SORBS2: variants seen among roughly 807,000 people sequenced by gnomAD.
SORBS2 encodes sorbin and SH3 domain-containing protein 2.
Under a neutral mutation model 97.7 loss-of-function variants are expected in SORBS2, and 46 were observed. The observed-to-expected ratio is 0.47, with a 90% CI of 0.37 to 0.60. The LOEUF is 0.60. SORBS2 is among the 20% of genes least tolerant of loss of function. The probability of loss-of-function intolerance (pLI) is 0.00; values close to 1 mark genes in which losing one functional copy is unlikely to be tolerated. For synonymous variants in SORBS2, 476 were observed against 473.4 expected (o/e 1.01, Z -0.07); for missense variants, 1,316 against 1,282.3 (o/e 1.03, Z -0.40).
At chr4:185,915,776 G>A (rs558615260) in intron 1 of SORBS2, among the ~76,000 whole-genome samples, 1 of 151,990 alleles carries the variant, frequency 6.6e-6, no homozygotes, top group Non-Finnish European at 1.5e-5. Context: ...TGATTGCAAA[G>A]CAAGATAAGT....
intron 13 of SORBS2, 117 bp from the exon 26 acceptor site, chr4:185,589,902 G>A (rs916852046): frequency 1.0e-5 from 7 of 690,352 alleles, no homozygotes; most frequent in African/African-American, 8.8e-5. Flanking sequence ...ATTCTGTTGG[G>A]TGGTACAAGC....
chr4:185,827,831 TCATCATCATCGTCAC>T (rs1427844186), intron 1 of SORBS2, among the ~76,000 whole-genome samples: 4 of 144,584 alleles, frequency 2.8e-5, no homozygotes, highest in Admixed American at 1.4e-4. Context: ...GTCACCATCA[TCATCATCATCGTCAC>T]CATCATCAGC....
At chr4:185,798,572 T>C (rs958006901) in intron 1 of SORBS2, among the ~76,000 whole-genome samples, 1 of 152,214 alleles carries the variant, frequency 6.6e-6, no homozygotes, top group Non-Finnish European at 1.5e-5. Context: ...AAGCCTCGTT[T>C]TTAAAAAAAG....
intron 1 of SORBS2, among the ~76,000 whole-genome samples, chr4:185,927,490 G>A (rs1469169967): frequency 1.4e-5 from 2 of 147,450 alleles, no homozygotes; most frequent in Non-Finnish European, 3.0e-5. Flanking sequence ...CCGTGTCCAT[G>A]TATGCTCATT....
intron 13 of SORBS2, among the ~76,000 whole-genome samples, chr4:185,591,234 T>C (rs1017189920): frequency 1.3e-5 from 2 of 152,200 alleles, no homozygotes; most frequent in African/African-American, 4.8e-5. Context: ...TTGTTTTCCC[T>C]GGCCTGGCAC....
chr4:185,655,478 T>C (rs1346150562), intron 1 of SORBS2, among the ~76,000 whole-genome samples: 1 of 152,196 alleles, frequency 6.6e-6, no homozygotes, highest in Admixed American at 6.5e-5. Flanking sequence ...GGCTGTATAG[T>C]CAGTGTAAGA....
rs1036560958 is a variant in SORBS2 at position 185,623,222 on chromosome 4, T to C, written c.1907A>G (p.Asp636Gly). The change falls in exon 7 of 15, where the codon GAC becomes GGC. Residue 636 changes from aspartate to glycine, a missense_variant. Physicochemically the swap from Asp to Gly is moderately conservative, Grantham distance 94. Transcript: ENST00000418609. The surrounding 1 kb of genome is among the most constrained non-coding windows in gnomAD (Gnocchi z 6.4). ...GTCACAGATGTCTTTAAGGGCAGAG[T>C]CCAGAGCCTCAAACACAGATGCTTT... 6 of 1,614,014 alleles carry C rather than the reference T, an allele frequency of 3.7e-6. No individual in the cohort carries two copies. The highest frequency in any genetic ancestry group is 4.2e-6 in the Non-Finnish European group (5 of 1,180,008).
intron 2 of SORBS2, among the ~76,000 whole-genome samples, chr4:185,745,798 C>T (rs1274615817): frequency 3.3e-5 from 5 of 152,136 alleles, no homozygotes; most frequent in South Asian, 2.1e-4. Context: ...CCTCGGGCTA[C>T]GTGGGGAGGA....
chr4:185,926,102 G>C (rs544079573), intron 1 of SORBS2, among the ~76,000 whole-genome samples: 26 of 152,354 alleles, frequency 1.7e-4, no homozygotes, highest in African/African-American at 6.0e-4. Flanking sequence ...GGAGAGCAAG[G>C]ACTGCGCTAT....
At chr4:185,673,550 T>C (rs1267599278) in intron 4 of SORBS2, among the ~76,000 whole-genome samples, 2 of 152,232 alleles carry the variant, frequency 1.3e-5, no homozygotes, top group Non-Finnish European at 2.9e-5. Context: ...TGATGACAGC[T>C]ACTGTATGTT....
chr4:185,612,355 G>C (rs1468575745), intron 11 of SORBS2, among the ~76,000 whole-genome samples: 2 of 152,194 alleles, frequency 1.3e-5, no homozygotes, highest in Non-Finnish European at 2.9e-5. Flanking sequence ...GGCAGGTTCA[G>C]TGCATTGGCC....
At chr4:185,690,340 A>G (rs1414718321) in intron 2 of SORBS2, among the ~76,000 whole-genome samples, 1 of 152,204 alleles carries the variant, frequency 6.6e-6, no homozygotes, top group East Asian at 1.9e-4. Flanking sequence ...TGATTAGAGA[A>G]AAAGGGAGTA....
intron 2 of SORBS2, among the ~76,000 whole-genome samples, chr4:185,769,938 T>G (rs2098959947): frequency 6.6e-6 from 1 of 150,510 alleles, no homozygotes; most frequent in African/African-American, 2.5e-5. Flanking sequence ...AGGCTTTCAG[T>G]TGCCACCTAT....
chr4:185,952,252 T>C (rs1311728304), intron 1 of SORBS2, among the ~76,000 whole-genome samples: 1 of 152,186 alleles, frequency 6.6e-6, no homozygotes, highest in Non-Finnish European at 1.5e-5. Flanking sequence ...GGTCTCGAAC[T>C]CCTGACCTCA....
At chr4:185,705,979 A>G (rs773232838) in intron 2 of SORBS2, among the ~76,000 whole-genome samples, 49 of 152,234 alleles carry the variant, frequency 3.2e-4, no homozygotes, top group Non-Finnish European at 5.4e-4. Context: ...TAACAAATCC[A>G]CACTCATTCC....
chr4:185,945,659 A>G (rs536685480), intron 1 of SORBS2, among the ~76,000 whole-genome samples: 21 of 152,326 alleles, frequency 1.4e-4, no homozygotes, highest in African/African-American at 5.1e-4. Flanking sequence ...CTCAACAAAC[A>G]TTTCTCGAGA....
intron 1 of SORBS2, among the ~76,000 whole-genome samples, chr4:185,886,554 CAAAAAAAAA>C (rs1198439527): frequency 1.4e-5 from 1 of 72,950 alleles, no homozygotes; most frequent in African/African-American, 6.1e-5. Flanking sequence ...GACTCTGTCT[CAAAAAAAAA>C]AAAAAAAAAA....
chr4:185,771,343 T>C (rs2098970168), intron 2 of SORBS2: 1 of 152,222 alleles, frequency 6.6e-6, no homozygotes, highest in Admixed American at 6.5e-5. Flanking sequence ...TTAAAACTAC[T>C]GAACTCCTTA....
At chr4:185,876,873 A>G (rs898974732) in intron 1 of SORBS2, among the ~76,000 whole-genome samples, 2 of 152,276 alleles carry the variant, frequency 1.3e-5, no homozygotes, top group East Asian at 1.9e-4. Flanking sequence ...TGTGAAGTAT[A>G]TGATAAAACT....
Sources: allele counts gnomAD v4.1 joint callset (sites outside exome capture counted in the v4.1 genomes callset), GRCh38; gene constraint gnomAD v4.1.1; non-coding constraint Gnocchi (gnomAD v3.1); transcripts MANE v1.5; gene names NCBI Gene and HGNC (gene_info 2026-07-23, HGNC 2026-07-21).